Variants in SRGAP3 observed in about 807,000 individuals in gnomAD.
The protein encoded by SRGAP3 is SLIT-ROBO Rho GTPase activating protein 3.
SRGAP3 carries 39 observed loss-of-function variants against 121.1 expected under a neutral mutation model. The ratio of observed to expected loss-of-function variants is 0.32; its 90% CI spans 0.25 to 0.42. SRGAP3 has a LOEUF of 0.42. Among genes scored for constraint, SRGAP3 ranks in the 10% least tolerant of loss-of-function variants. The probability of loss-of-function intolerance (pLI) is 1.00; values close to 1 mark genes in which losing one functional copy is unlikely to be tolerated. For missense variants in SRGAP3, 1,213 were observed against 1,470.6 expected, an observed-to-expected ratio of 0.82 and a Z score of 2.86; for synonymous variants, 601 against 570.0, an observed-to-expected ratio of 1.05 and a Z score of -0.77.
intron 4 of SRGAP3, among the ~76,000 whole-genome samples, chr3:9,075,045 T>C (rs1946896113): frequency 6.6e-6 from 1 of 152,218 alleles, no homozygotes. Flanking sequence ...TTTCATAATA[T>C]AGAAATATAT....
chr3:9,261,999 A>G (rs1436245363), intron 3 of SRGAP3, among the ~76,000 whole-genome samples: 1 of 152,206 alleles, frequency 6.6e-6, no homozygotes, highest in African/African-American at 2.4e-5. Flanking sequence ...CCATCAGACT[A>G]ACAGTGGATC....
intron 1 of SRGAP3, among the ~76,000 whole-genome samples, chr3:9,158,331 C>T (rs960161796): frequency 7.9e-5 from 12 of 152,128 alleles, no homozygotes; most frequent in Admixed American, 4.6e-4. Context: ...TTTGCTCAAA[C>T]GCCAGAGAAG....
In SRGAP3 at chr3:9,248,404, C is replaced by G. The variant is rs117893853; in HGVS notation, c.67+481G>C. ...GGGATGCTGCCTCGCTGTGCACATG[C>G]ATGTGAATTCCGGCCCAGAGAAAGA... On this transcript the variant is annotated intron_variant, in intron 1 of 21. Transcript: ENST00000383836. Among the ~76,000 whole-genome samples, 181 of 152,272 alleles carry G rather than the reference C, an allele frequency of 1.2e-3. 5 individuals are homozygous for G. In the East Asian group the frequency reaches 0.028, roughly 24 times the overall value.
At chr3:9,003,479 A>AAAAC (rs149943964) in intron 18 of SRGAP3, among the ~76,000 whole-genome samples, 10,157 of 149,938 alleles carry the variant, frequency 0.068, 1,077 homozygotes, top group African/African-American at 0.22. Flanking sequence ...ATTCCATCTC[A>AAAAC]AAACAAACAA....
chr3:9,349,447 A>C (rs1349267274), intron 1 of SRGAP3, among the ~76,000 whole-genome samples: 1 of 152,234 alleles, frequency 6.6e-6, no homozygotes, highest in Non-Finnish European at 1.5e-5. Flanking sequence ...CCTCTTGTCC[A>C]ACAGAGTTTA....
At chr3:9,212,198 C>T (rs1952470006) in intron 1 of SRGAP3, among the ~76,000 whole-genome samples, 1 of 152,118 alleles carries the variant, frequency 6.6e-6, no homozygotes, top group South Asian at 2.1e-4. Flanking sequence ...TATGCTGCTC[C>T]CAAGTAGAGG....
In SRGAP3 at chr3:9,053,080, T is replaced by C. The variant is rs1945660458; in HGVS notation, c.1270A>G (p.Asn424Asp). The part of the protein sequence containing the change: ...AASETYMSKI[N>D]IAKRRANQQE... ...TGGTTGGCTCTCCTCTTGGCAATGT[T>C]GATCTTGCTCATGTAGGTCTCAGAG... The change falls in exon 9 of 22, where the codon AAC (asparagine) becomes GAC (aspartate). Residue 424 changes from asparagine to aspartate, a missense_variant. This residue lies in a region of SRGAP3 where 793 missense variants were observed against 1,032.9 expected (regional missense o/e 0.77). Coordinates refer to ENST00000383836, the MANE Select transcript of SRGAP3 (RefSeq NM_014850.4). 2 of 1,614,204 alleles carry C rather than the reference T, an allele frequency of 1.2e-6. No homozygotes were observed. Among genetic ancestry groups the C allele is most frequent in the East Asian group, 2.2e-5 (1 of 44,884 alleles).
chr3:9,312,077 A>G (rs1955257913), intron 3 of SRGAP3, among the ~76,000 whole-genome samples: 1 of 152,236 alleles, frequency 6.6e-6, no homozygotes, highest in African/African-American at 2.4e-5. Context: ...CAGGAACCAC[A>G]GTTTTCTTTC....
At chr3:9,282,687 G>T (rs1954701276) in intron 3 of SRGAP3, among the ~76,000 whole-genome samples, 1 of 151,800 alleles carries the variant, frequency 6.6e-6, no homozygotes, top group Non-Finnish European at 1.5e-5. Context: ...GACAGGGTTT[G>T]GCCAAGCTGG....
chr3:9,028,104 T>G, intron 12 of SRGAP3: 1 of 1,614,172 alleles, frequency 6.2e-7, no homozygotes, highest in East Asian at 2.2e-5. Flanking sequence ...AAATACCTGG[T>G]TCCTGGTTCG....
At chr3:9,034,679 T>C (rs139183977) in intron 11 of SRGAP3, 276 of 152,376 alleles carry the variant, frequency 1.8e-3, no homozygotes, top group African/African-American at 6.4e-3. Context: ...CTTGGATCTA[T>C]GTCAATTTGG....
intron 11 of SRGAP3, 109 bp downstream of exon 11, chr3:9,037,954 G>T: frequency 6.9e-7 from 1 of 1,441,186 alleles, no homozygotes; most frequent in East Asian, 2.3e-5. Context: ...TGGGGACATT[G>T]GTGAAGAAGC....
intron 3 of SRGAP3, among the ~76,000 whole-genome samples, chr3:9,315,705 C>T (rs777597199): frequency 4.6e-5 from 7 of 152,012 alleles, no homozygotes; most frequent in African/African-American, 9.7e-5. Context: ...ATATGTTTTA[C>T]AGTGAAATAA....
At chr3:9,071,640 GTGGATGGATGGATGGA>G (rs3067636) in intron 4 of SRGAP3, among the ~76,000 whole-genome samples, 68 of 144,938 alleles carry the variant, frequency 4.7e-4, no homozygotes, top group South Asian at 1.9e-3. Context: ...ATTCTCAAAG[GTGGATGGATGGATGGA>G]TGGATGGATG....
At chr3:9,245,553 T>C (rs1953788841) in intron 1 of SRGAP3, among the ~76,000 whole-genome samples, 2 of 152,208 alleles carry the variant, frequency 1.3e-5, no homozygotes, top group African/African-American at 4.8e-5. Context: ...ATCTGTCTTA[T>C]TTTGTGAAGT....
chr3:9,029,640 T>G (rs922104651), intron 12 of SRGAP3, among the ~76,000 whole-genome samples: 1 of 152,244 alleles, frequency 6.6e-6, no homozygotes, highest in Non-Finnish European at 1.5e-5. Flanking sequence ...TCAGAAGGCA[T>G]GTGAATTATA....
At chr3:9,295,069 T>G (rs542020930) in intron 3 of SRGAP3, among the ~76,000 whole-genome samples, 1 of 152,130 alleles carries the variant, frequency 6.6e-6, no homozygotes, top group East Asian at 1.9e-4. Context: ...GTTTTACTTG[T>G]TACAAAGGCT....
intron 3 of SRGAP3, among the ~76,000 whole-genome samples, chr3:9,295,749 G>A (rs147670881): frequency 1.6e-3 from 246 of 152,150 alleles, no homozygotes; most frequent in Middle Eastern, 3.4e-3. Flanking sequence ...CCAGAATGGA[G>A]ATTTTCATCA....
chr3:8,997,789 A>T (rs1296608709), intron 18 of SRGAP3, among the ~76,000 whole-genome samples: 1 of 152,076 alleles, frequency 6.6e-6, no homozygotes, highest in Non-Finnish European at 1.5e-5. Flanking sequence ...CCACCCTTCT[A>T]TCCGTCTTAT....
Sources: gnomAD v4.1 joint callset for allele counts (sites outside exome capture counted in the v4.1 genomes callset) on GRCh38, gnomAD v4.1.1 for gene constraint, gnomAD v4.1.1 regional missense constraint, MANE v1.5 for transcripts, NCBI Gene and HGNC (gene_info 2026-07-23, HGNC 2026-07-21) for gene names.